Variants in SHISA9 observed in about 807,000 individuals in gnomAD.
The protein encoded by SHISA9 is protein shisa-9.
In SHISA9, 13 loss-of-function variants were observed where a neutral mutation model predicts 38.0. The observed-to-expected ratio is 0.34, with a 90% CI of 0.22 to 0.54. SHISA9 has a LOEUF of 0.54. SHISA9 is among the 20% of genes least tolerant of loss of function. The pLI, the probability that SHISA9 is intolerant of heterozygous loss-of-function variation, is 0.91. For missense variants in SHISA9, 538 were observed against 575.8 expected, an observed-to-expected ratio of 0.93 and a Z score of 0.67; for synonymous variants, 275 against 242.0, an observed-to-expected ratio of 1.14 and a Z score of -1.27.
At chr16:13,034,361 C>G (rs1414732677) in intron 2 of SHISA9, among the ~76,000 whole-genome samples, 2 of 152,166 alleles carry the variant, frequency 1.3e-5, no homozygotes, top group East Asian at 3.9e-4. Flanking sequence ...CCTGGCCCAG[C>G]TAGACTTGCT....
chr16:13,160,344 C>G (rs144846854), intron 2 of SHISA9, among the ~76,000 whole-genome samples: 1 of 152,276 alleles, frequency 6.6e-6, no homozygotes, highest in Non-Finnish European at 1.5e-5. Context: ...TAAGTCAGAC[C>G]TGTGCCTTCT....
At position 13,132,350 on chromosome 16, in the gene SHISA9, CTAATAT is replaced by C. The variant is rs377565916; in HGVS notation, c.692-71041_692-71036del. Among the ~76,000 whole-genome samples, 807 of 152,248 alleles carry C rather than the reference CTAATAT, an allele frequency of 5.3e-3. 6 individuals carry two copies. Among genetic ancestry groups the C allele is most frequent in the African/African-American group, 0.018 (755 of 41,544 alleles). On this transcript the variant is annotated intron_variant, in intron 2 of 4. Transcript: ENST00000558583. ...TAGTAGATGTTTACTGCTATTGCTG[CTAATAT>C]TATTATTTTTTTCCCAAAATGGGAT...
intron 2 of SHISA9, among the ~76,000 whole-genome samples, chr16:12,976,508 C>G (rs1309155033): frequency 6.6e-6 from 1 of 152,174 alleles, no homozygotes; most frequent in African/African-American, 2.4e-5. Context: ...TGCTTTCTGA[C>G]TAATTCCTAT....
intron 2 of SHISA9, among the ~76,000 whole-genome samples, chr16:13,182,640 G>A (rs747374103): frequency 1.7e-4 from 26 of 152,166 alleles, no homozygotes; most frequent in Middle Eastern, 3.2e-3. Context: ...AAACTAAGAT[G>A]TTTTTCTGAT....
At chr16:13,107,775 G>A (rs2073941457) in intron 2 of SHISA9, among the ~76,000 whole-genome samples, 1 of 152,136 alleles carries the variant, frequency 6.6e-6, no homozygotes, top group Non-Finnish European at 1.5e-5. Context: ...CTGAAGGCCA[G>A]TAGGCCATTT....
chr16:13,231,773 C>G (rs1231386000), intron 4 of SHISA9, among the ~76,000 whole-genome samples: 1 of 152,148 alleles, frequency 6.6e-6, no homozygotes, highest in East Asian at 1.9e-4. Flanking sequence ...TGATGTCTAG[C>G]ATAGACACAG....
the SHISA9 span, among the ~76,000 whole-genome samples, chr16:13,520,524 A>T: frequency 6.9e-6 from 1 of 144,096 alleles, no homozygotes; most frequent in Non-Finnish European, 1.5e-5. Flanking sequence ...AATCACTTGA[A>T]CCCGGGAGGT....
the SHISA9 span, among the ~76,000 whole-genome samples, chr16:13,405,909 A>G: frequency 6.6e-6 from 1 of 150,610 alleles, no homozygotes; most frequent in Admixed American, 6.7e-5. Flanking sequence ...TGTCTTTGCT[A>G]TTGAATATAG....
chr16:12,961,015 CT>C (rs2071904048), intron 2 of SHISA9, among the ~76,000 whole-genome samples: 1 of 150,976 alleles, frequency 6.6e-6, no homozygotes, highest in African/African-American at 2.4e-5. Context: ...GTAATTATAT[CT>C]GTAACATGTG....
intron 2 of SHISA9, among the ~76,000 whole-genome samples, chr16:12,935,146 C>G (rs902061296): frequency 6.6e-6 from 1 of 152,170 alleles, no homozygotes; most frequent in African/African-American, 2.4e-5. Context: ...CTCACCAAAA[C>G]TGCACATAGT....
chr16:13,287,247 A>G, the SHISA9 span, among the ~76,000 whole-genome samples: 1 of 152,192 alleles, frequency 6.6e-6, no homozygotes, highest in African/African-American at 2.4e-5. Flanking sequence ...GTGTGGATGG[A>G]AGAGGCTTTT....
chr16:13,303,821 G>A, the SHISA9 span, among the ~76,000 whole-genome samples: 1 of 152,100 alleles, frequency 6.6e-6, no homozygotes, highest in African/African-American at 2.4e-5. Context: ...GAATGATGAC[G>A]TAGTGCAGGT....
chr16:13,306,525 A>G, the SHISA9 span, among the ~76,000 whole-genome samples: 1 of 152,196 alleles, frequency 6.6e-6, no homozygotes, highest in Admixed American at 6.5e-5. Flanking sequence ...CATTCTGAGA[A>G]TGGCTTAACT....
chr16:12,910,391 C>T, intron 1 of SHISA9: 1 of 820,044 alleles, frequency 1.2e-6, no homozygotes, highest in Non-Finnish European at 1.5e-6. Flanking sequence ...TATGAGATAA[C>T]CATGAATAGT....
intron 2 of SHISA9, among the ~76,000 whole-genome samples, chr16:13,188,404 A>T (rs1177689644): frequency 6.6e-6 from 1 of 152,192 alleles, no homozygotes; most frequent in Admixed American, 6.5e-5. Context: ...AAGGAGATGG[A>T]CATCCGTCCT....
the SHISA9 span, among the ~76,000 whole-genome samples, chr16:13,531,938 C>T: frequency 7.2e-5 from 11 of 152,300 alleles, no homozygotes; most frequent in East Asian, 1.5e-3. Flanking sequence ...CCTTCTTTGT[C>T]TCATTTAGTG....
intron 2 of SHISA9, among the ~76,000 whole-genome samples, chr16:13,096,230 ACACT>A (rs1245391361): frequency 2.0e-5 from 3 of 152,224 alleles, no homozygotes; most frequent in Non-Finnish European, 4.4e-5. Context: ...TTTATAGTAG[ACACT>A]CAATACACAG....
chr16:13,338,894 G>A, the SHISA9 span, among the ~76,000 whole-genome samples: 1 of 152,172 alleles, frequency 6.6e-6, no homozygotes, highest in South Asian at 2.1e-4. Context: ...TTAGACTTGG[G>A]AACCTGGCAA....
At chr16:13,510,966 C>T in the SHISA9 span, among the ~76,000 whole-genome samples, 3 of 152,180 alleles carry the variant, frequency 2.0e-5, no homozygotes, top group Non-Finnish European at 4.4e-5. Flanking sequence ...AATGTCTCTT[C>T]CTGCTTAGGC....
Sources: allele counts gnomAD v4.1 joint callset (sites outside exome capture counted in the v4.1 genomes callset), GRCh38; gene constraint gnomAD v4.1.1; transcripts MANE v1.5; gene names NCBI Gene and HGNC (gene_info 2026-07-23, HGNC 2026-07-21).